FNIP1: variants seen among roughly 807,000 people sequenced by gnomAD.
The protein encoded by FNIP1 is folliculin-interacting protein 1.
Under a neutral mutation model 124.5 loss-of-function variants are expected in FNIP1, and 40 were observed. The observed-to-expected ratio is 0.32, with a 90% CI of 0.25 to 0.42. The LOEUF is 0.42. FNIP1 is among the 10% of genes least tolerant of loss of function. The pLI, the probability that FNIP1 is intolerant of heterozygous loss-of-function variation, is 1.00. For missense variants in FNIP1, 1,176 were observed against 1,403.7 expected (o/e 0.84, Z 2.59); for synonymous variants, 472 against 470.6 (o/e 1.00, Z -0.04).
intron 3 of FNIP1, among the ~76,000 whole-genome samples, chr5:131,727,472 C>T (rs919551818): frequency 6.6e-6 from 1 of 152,034 alleles, no homozygotes; most frequent in African/African-American, 2.4e-5. Flanking sequence ...GGTTTAAAGT[C>T]TGTTTTATCA....
intron 1 of FNIP1, among the ~76,000 whole-genome samples, chr5:131,762,688 G>C (rs1480853470): frequency 1.3e-5 from 2 of 152,042 alleles, no homozygotes; most frequent in Admixed American, 1.3e-4. Context: ...CAGTTTGGAG[G>C]TTCCTCAAAA....
chr5:131,767,916 T>C (rs1007855911), intron 1 of FNIP1, among the ~76,000 whole-genome samples: 3 of 152,170 alleles, frequency 2.0e-5, no homozygotes, highest in Non-Finnish European at 2.9e-5. Context: ...ATATACTAAA[T>C]GTTGTAAGAA....
At chr5:131,745,141 CAAGACAAAAAACA>C (rs1770632576) in intron 1 of FNIP1, among the ~76,000 whole-genome samples, 2 of 146,530 alleles carry the variant, frequency 1.4e-5, no homozygotes, top group African/African-American at 5.1e-5. Context: ...AAAGGACTTA[CAAGACAAAAAACA>C]AGCCAAAAAA....
At position 131,670,621 on chromosome 5, in the gene FNIP1, T is replaced by C. The variant is rs1227309030; in HGVS notation, c.2950A>G (p.Ile984Val). The C allele has an allele frequency of 6.2e-7, 1 of 1,603,316 alleles. No homozygotes were observed. Among genetic ancestry groups the C allele is most frequent in the African/African-American group, 1.3e-5 (1 of 74,306 alleles). Residue 984 changes from isoleucine (I) to valine (V), a missense_variant, in exon 15 of 18, where the codon ATC becomes GTC. Ile to Val is a conservative substitution (Grantham distance 29). Around this residue, in one of 2 missense-constraint regions of FNIP1, gnomAD observed 1,109 missense variants for 1,288.5 expected, o/e 0.86. Transcript: ENST00000510461. The part of the protein sequence containing the change: ...DEIPFPGSKL[I>V]EVSAVQPNIA... ...TTGGGCTGAACAGCACTCACTTCGATTAACTTTGACCTGGAAGAAAAATGC... is the reference window on the plus strand; with the variant it reads ...TTGGGCTGAACAGCACTCACTTCGACTAACTTTGACCTGGAAGAAAAATGC...
intron 1 of FNIP1, among the ~76,000 whole-genome samples, chr5:131,753,727 T>C (rs529324313): frequency 4.9e-4 from 75 of 152,318 alleles, no homozygotes; most frequent in African/African-American, 1.7e-3. Flanking sequence ...ATGCAAATTA[T>C]AGCTCAATTT....
chr5:131,645,309 C>CAAAAAAAAA (rs34663555), intron 17 of FNIP1, among the ~76,000 whole-genome samples: 1 of 132,470 alleles, frequency 7.5e-6, no homozygotes, highest in African/African-American at 3.0e-5. Context: ...GACCCTGTCT[C>CAAAAAAAAA]AAAAAAAAAA....
chr5:131,690,094 G>C (rs1304446925), intron 11 of FNIP1, among the ~76,000 whole-genome samples: 1 of 152,024 alleles, frequency 6.6e-6, no homozygotes, highest in African/African-American at 2.4e-5. Context: ...ATGGTGGCGG[G>C]TGCCTGGAGT....
intron 1 of FNIP1, among the ~76,000 whole-genome samples, chr5:131,748,960 A>G (rs888036018): frequency 5.3e-5 from 8 of 152,118 alleles, no homozygotes; most frequent in Non-Finnish European, 7.4e-5. Flanking sequence ...TCCTGACTCT[A>G]TGTAGGCCTA....
At chr5:131,674,520 G>A (rs573628081) in intron 13 of FNIP1, among the ~76,000 whole-genome samples, 21 of 151,940 alleles carry the variant, frequency 1.4e-4, no homozygotes, top group Non-Finnish European at 2.8e-4. Flanking sequence ...TTCAAGACCA[G>A]CCTGGGCAAC....
chr5:131,652,621 G>A (rs1353359795), intron 15 of FNIP1, among the ~76,000 whole-genome samples: 5 of 152,134 alleles, frequency 3.3e-5, no homozygotes, highest in South Asian at 2.1e-4. Context: ...GATTACAGGC[G>A]TGAGACACTG....
At chr5:131,655,273 G>C (rs915913823) in intron 15 of FNIP1, among the ~76,000 whole-genome samples, 1 of 152,204 alleles carries the variant, frequency 6.6e-6, no homozygotes, top group African/African-American at 2.4e-5. Flanking sequence ...TGGGGAGGCA[G>C]AGGCGAGAGG....
intron 6 of FNIP1, among the ~76,000 whole-genome samples, chr5:131,712,781 T>C (rs1769339225): frequency 6.6e-6 from 1 of 152,182 alleles, no homozygotes; most frequent in Non-Finnish European, 1.5e-5. Flanking sequence ...TCTAAGTGTG[T>C]AAAGGGTTCC....
At chr5:131,767,371 G>C (rs555496542) in intron 1 of FNIP1, among the ~76,000 whole-genome samples, 1 of 123,502 alleles carries the variant, frequency 8.1e-6, no homozygotes, top group Non-Finnish European at 1.6e-5. Context: ...GGAGGCTGCA[G>C]TAAGCCAAGA....
rs1554094449 is a variant in FNIP1, at chr5:131,693,307, T to TATATAC, written c.1202+5609_1202+5610insGTATAT. On this transcript the variant is annotated intron_variant, in intron 11 of 17. Transcript: ENST00000510461. ...ATAGCTAAATATATACATATATATA[T>TATATAC]ATATATATACACATATATATATATA... Among the ~76,000 whole-genome samples, 49 of 29,244 alleles carry TATATAC rather than the reference T, an allele frequency of 1.7e-3. 4 individuals are homozygous for TATATAC. Among genetic ancestry groups the TATATAC allele is most frequent in the African/African-American group, 5.1e-3 (48 of 9,464 alleles). 19.2% of individuals were successfully genotyped at this position (29,244 alleles called of 152,430 possible).
At chr5:131,761,312 T>C (rs1302683506) in intron 1 of FNIP1, among the ~76,000 whole-genome samples, 1 of 151,994 alleles carries the variant, frequency 6.6e-6, no homozygotes, top group Admixed American at 6.6e-5. Flanking sequence ...GGCATACAAA[T>C]TGGAAAGGAA....
chr5:131,710,275 A>G (rs1358827776), intron 7 of FNIP1, among the ~76,000 whole-genome samples: 1 of 152,212 alleles, frequency 6.6e-6, no homozygotes, highest in Non-Finnish European at 1.5e-5. Flanking sequence ...AAGTGGTATC[A>G]TAAGAAATAA....
At chr5:131,779,903 TA>T (rs1245703027) in intron 1 of FNIP1, among the ~76,000 whole-genome samples, 1 of 151,940 alleles carries the variant, frequency 6.6e-6, no homozygotes, top group African/African-American at 2.4e-5. Flanking sequence ...AAATTTTTTT[TA>T]ATAAAAAGCT....
At chr5:131,684,214 C>A (rs1768190954) in intron 11 of FNIP1, among the ~76,000 whole-genome samples, 1 of 152,130 alleles carries the variant, frequency 6.6e-6, no homozygotes, top group African/African-American at 2.4e-5. Context: ...AACAAGAAGG[C>A]AAAGCATTAG....
chr5:131,766,850 AAGAC>A (rs1337325313), intron 1 of FNIP1, among the ~76,000 whole-genome samples: 1 of 152,142 alleles, frequency 6.6e-6, no homozygotes, highest in Non-Finnish European at 1.5e-5. Context: ...CTCCAGAAGA[AAGAC>A]AGAGGAAATC....
Sources: allele counts gnomAD v4.1 joint callset (sites outside exome capture counted in the v4.1 genomes callset), GRCh38; gene constraint gnomAD v4.1.1; regional missense constraint gnomAD v4.1.1; transcripts MANE v1.5; gene names NCBI Gene and HGNC (gene_info 2026-07-23, HGNC 2026-07-21).